Variants in DMXL2 observed in about 807,000 individuals in gnomAD.
DMXL2 encodes the protein dmX-like protein 2.
Under a neutral mutation model 331.1 loss-of-function variants are expected in DMXL2, and 103 were observed. The observed-to-expected ratio is 0.31, with a 90% CI of 0.27 to 0.37. The LOEUF (loss-of-function observed/expected upper bound fraction) is 0.37, where lower values mean the gene tolerates loss of function less well. Ranked by LOEUF, DMXL2 falls within the 10% of genes least tolerant of loss-of-function variation. The probability of loss-of-function intolerance (pLI) is 1.00; values close to 1 mark genes in which losing one functional copy is unlikely to be tolerated. For missense variants in DMXL2, 3,171 were observed against 3,642.9 expected, an observed-to-expected ratio of 0.87 and a Z score of 3.33; for synonymous variants, 1,281 against 1,252.1, an observed-to-expected ratio of 1.02 and a Z score of -0.49.
At chr15:51,566,934 T>G (rs1434595996) in intron 3 of DMXL2, 1 of 152,150 alleles carries the variant, frequency 6.6e-6, no homozygotes, top group Non-Finnish European at 1.5e-5. Flanking sequence ...TCTGAATGGT[T>G]CACAATGTGG....
chr15:51,487,069 C>G (rs1171302707), intron 22 of DMXL2, among the ~76,000 whole-genome samples: 1 of 152,022 alleles, frequency 6.6e-6, no homozygotes, highest in African/African-American at 2.4e-5. Flanking sequence ...TTTACCTGTT[C>G]ATATTGTTCA....
chr15:51,455,396 CT>C (rs1307936402), intron 39 of DMXL2, among the ~76,000 whole-genome samples, 168 bp from the exon 40 acceptor site: 2 of 151,540 alleles, frequency 1.3e-5, no homozygotes, highest in Non-Finnish European at 2.9e-5. Context: ...TTCCCTGTCA[CT>C]TTTTTTTTAA....
chr15:51,604,378 C>A (rs2053438695), intron 1 of DMXL2, among the ~76,000 whole-genome samples: 1 of 143,672 alleles, frequency 7.0e-6, no homozygotes. Flanking sequence ...TGGATATCTA[C>A]ACTGAAAATC....
At chr15:51,578,812 A>T (rs1359948639) in intron 1 of DMXL2, among the ~76,000 whole-genome samples, 3 of 152,170 alleles carry the variant, frequency 2.0e-5, no homozygotes, top group Non-Finnish European at 4.4e-5. Flanking sequence ...CACAGCTACT[A>T]AAAGTTAAGA....
At chr15:51,502,321 T>TGTGTGTGC (rs1373755780) in intron 17 of DMXL2, among the ~76,000 whole-genome samples, 2 of 150,982 alleles carry the variant, frequency 1.3e-5, no homozygotes, top group African/African-American at 4.9e-5. Context: ...TGTGTGTGTG[T>TGTGTGTGC]GTGTGTGTGT....
chr15:51,517,957 A>AGTCCCAGCTACTC (rs2047129738), intron 13 of DMXL2, among the ~76,000 whole-genome samples: 5 of 152,184 alleles, frequency 3.3e-5, no homozygotes, highest in Admixed American at 6.5e-5. Context: ...AAAAATATGT[A>AGTCCCAGCTACTC]GTTAGGTAGG....
chr15:51,485,218 G>A (rs1196902401), intron 23 of DMXL2, among the ~76,000 whole-genome samples: 4 of 152,116 alleles, frequency 2.6e-5, no homozygotes, highest in African/African-American at 9.7e-5. Context: ...CCCAAGTCTT[G>A]GGAAAGAGAT....
At chr15:51,525,920 A>G (rs921301897) in intron 13 of DMXL2, among the ~76,000 whole-genome samples, 1 of 151,976 alleles carries the variant, frequency 6.6e-6, no homozygotes, top group African/African-American at 2.4e-5. Context: ...TGCTACCTGC[A>G]GACTGCAGGA....
In DMXL2 at chr15:51,548,003, G is replaced by A. The variant is rs574768629; in HGVS notation, c.568-595C>T. On this transcript the variant is annotated intron_variant, in intron 6 of 43. Transcript: ENST00000560891. ...CTTAGCTCTTGGGCCACAGTTCTCCGATCCCTACTCTAAGTGATGATAAAG... is the reference window on the plus strand; with the variant it reads ...CTTAGCTCTTGGGCCACAGTTCTCCAATCCCTACTCTAAGTGATGATAAAG... Among the ~76,000 whole-genome samples, 7 of 152,162 alleles carry A rather than the reference G, an allele frequency of 4.6e-5. No homozygotes were observed. The South Asian group carries it at 1.0e-3, about 23-fold the overall frequency.
intron 1 of DMXL2, among the ~76,000 whole-genome samples, chr15:51,585,649 T>A (rs1377146597): frequency 6.6e-6 from 1 of 152,186 alleles, no homozygotes; most frequent in Non-Finnish European, 1.5e-5. Context: ...TCCAAAAAGA[T>A]TATAGCCCCA....
chr15:51,522,554 G>C (rs562599656), intron 13 of DMXL2, among the ~76,000 whole-genome samples: 14 of 152,188 alleles, frequency 9.2e-5, no homozygotes, highest in African/African-American at 3.4e-4. Context: ...TGAGGCACAA[G>C]AATCACTTGA....
In DMXL2 at chr15:51,499,382, C is replaced by G. The variant is rs754831851; in HGVS notation, c.3842G>C (p.Gly1281Ala). 5 of 1,613,914 alleles carry G rather than the reference C, an allele frequency of 3.1e-6. No individual in the cohort carries two copies. Among genetic ancestry groups the G allele is most frequent in the Non-Finnish European group, 4.2e-6 (5 of 1,179,992 alleles). Reference sequence around the variant, plus strand: ...ATTAGAACTATCAGCTTCAGTGTCTCCAAATTTGACAGCATGCTTCCACTG... The same window carrying G: ...ATTAGAACTATCAGCTTCAGTGTCTGCAAATTTGACAGCATGCTTCCACTG... ...YAQWKHAVKF[G>A]DTEADSSNAE... The change falls in exon 18 of 44, where the codon GGA becomes GCA. Residue 1281 changes from glycine (G) to alanine (A), a missense_variant. By Grantham distance (60) the Gly-to-Ala change is moderately conservative. Around this residue, in one of 7 missense-constraint regions of DMXL2, gnomAD observed 1,674 missense variants for 1,780.2 expected, o/e 0.94. Transcript: ENST00000560891.
chr15:51,606,770 G>A (rs1398359469), intron 1 of DMXL2, among the ~76,000 whole-genome samples: 3 of 152,162 alleles, frequency 2.0e-5, no homozygotes, highest in Non-Finnish European at 4.4e-5. Context: ...AGAACTTACG[G>A]ATGGCTTTAA....
At chr15:51,515,147 G>A (rs957969515) in intron 14 of DMXL2, among the ~76,000 whole-genome samples, 1 of 152,052 alleles carries the variant, frequency 6.6e-6, no homozygotes, top group African/African-American at 2.4e-5. Flanking sequence ...AGAACCCCTC[G>A]AAGGATGGAT....
At chr15:51,460,064 C>A in intron 33 of DMXL2, 1 of 948,036 alleles carries the variant, frequency 1.1e-6, no homozygotes, top group Non-Finnish European at 1.3e-6. Flanking sequence ...TATTTCTAAA[C>A]ATAGATTCAA....
chr15:51,498,992 G>T lies in DMXL2; in HGVS notation c.4232C>A (p.Thr1411Asn). ...VSGSTAKETVTVGKDGTRDYT... is the reference protein window; with the variant it reads ...VSGSTAKETVNVGKDGTRDYT... ...ATCTCGAGTACCATCTTTTCCTACG[G>T]TGACTGTTTCCTTTGCTGTACTGCC... The change falls in exon 18 of 44, where the codon ACC (threonine) becomes AAC (asparagine). Residue 1411 changes from threonine to asparagine, a missense_variant. Coordinates refer to ENST00000560891, the MANE Select transcript of DMXL2 (RefSeq NM_001378457.1). 9 of 1,613,962 alleles carry T rather than the reference G, an allele frequency of 5.6e-6. No individual in the cohort carries two copies. Among genetic ancestry groups the T allele is most frequent in the South Asian group, 1.1e-5 (1 of 91,080 alleles).
chr15:51,537,116 A>G (rs897540147), intron 11 of DMXL2, among the ~76,000 whole-genome samples: 2 of 152,230 alleles, frequency 1.3e-5, no homozygotes, highest in Non-Finnish European at 2.9e-5. Context: ...AAATAGCAAT[A>G]AAGTTGAGAG....
intron 1 of DMXL2, among the ~76,000 whole-genome samples, chr15:51,592,817 C>T (rs1315806689): frequency 1.3e-5 from 2 of 151,736 alleles, no homozygotes; most frequent in Non-Finnish European, 2.9e-5. Context: ...CCAAACTAAG[C>T]TTCATAAGTG....
Position 51,480,757 on chromosome 15 carries a change from CT to C in DMXL2, c.6348del (p.Asp2117ThrfsTer13). The C allele has an allele frequency of 6.2e-7, 1 of 1,600,604 alleles. No homozygotes were observed. The highest frequency in any genetic ancestry group is 8.5e-7 in the Non-Finnish European group (1 of 1,170,846). On this transcript the variant is annotated frameshift_variant, in exon 24 of 44. Coordinates refer to ENST00000560891, the MANE Select transcript of DMXL2 (RefSeq NM_001378457.1). LOFTEE classifies it high-confidence loss of function. Reference protein sequence around the residue: ...ESDLLDQEEMVDKPDIGSYER... With the variant: ...ESDLLDQEEMXDKPDIGSYER... ...TCATAGGAACCAATATCTGGTTTGTCTACCATTTCTTCCTGATCCAGCAGAT... is the reference window on the plus strand; with the variant it reads ...TCATAGGAACCAATATCTGGTTTGTCACCATTTCTTCCTGATCCAGCAGAT...
Sources: gnomAD v4.1 joint callset for allele counts (sites outside exome capture counted in the v4.1 genomes callset) on GRCh38, gnomAD v4.1.1 for gene constraint, gnomAD v4.1.1 regional missense constraint, MANE v1.5 for transcripts, NCBI Gene and HGNC (gene_info 2026-07-23, HGNC 2026-07-21) for gene names.